Variants in MCTP1 observed in about 807,000 individuals in gnomAD.
The protein encoded by MCTP1 is multiple C2 and transmembrane domain containing 1.
Under a neutral mutation model 120.6 loss-of-function variants are expected in MCTP1, and 69 were observed. That is an observed-to-expected ratio of 0.57 (90% CI 0.47 to 0.70). The LOEUF (loss-of-function observed/expected upper bound fraction) is 0.70, where lower values mean the gene tolerates loss of function less well. MCTP1 is among the 30% of genes least tolerant of loss of function. The pLI is 0.00. For synonymous variants in MCTP1, 529 were observed against 493.1 expected (o/e 1.07, Z -0.96); for missense variants, 1,203 against 1,248.8 (o/e 0.96, Z 0.55).
At chr5:94,901,948 A>T (rs1805661600) in intron 10 of MCTP1, among the ~76,000 whole-genome samples, 1 of 152,194 alleles carries the variant, frequency 6.6e-6, no homozygotes, top group Non-Finnish European at 1.5e-5. Flanking sequence ...ACATGAACAC[A>T]GGTGGCTCAT....
intron 19 of MCTP1, among the ~76,000 whole-genome samples, chr5:94,778,853 A>G (rs975255148): frequency 3.3e-5 from 5 of 152,188 alleles, no homozygotes; most frequent in African/African-American, 1.2e-4. Context: ...AGAGCTATCA[A>G]GTTCCAGACA....
At chr5:95,024,417 T>C (rs941435997) in intron 1 of MCTP1, among the ~76,000 whole-genome samples, 4 of 152,140 alleles carry the variant, frequency 2.6e-5, no homozygotes, top group Admixed American at 6.6e-5. Flanking sequence ...CATTCTTTTG[T>C]GATAAAAGCT....
At chr5:95,020,282 T>G (rs1249456709) in intron 1 of MCTP1, among the ~76,000 whole-genome samples, 1 of 152,070 alleles carries the variant, frequency 6.6e-6, no homozygotes, top group Admixed American at 6.6e-5. Flanking sequence ...AAATATGTAT[T>G]ATACTTTATG....
intron 19 of MCTP1, among the ~76,000 whole-genome samples, chr5:94,774,644 G>T (rs1302755610): frequency 2.0e-5 from 3 of 152,154 alleles, no homozygotes; most frequent in African/African-American, 7.2e-5. Context: ...AGCTGTGCTG[G>T]ACTTCTGATC....
intron 1 of MCTP1, among the ~76,000 whole-genome samples, chr5:95,274,968 C>T (rs1013219927): frequency 5.5e-4 from 83 of 152,276 alleles, no homozygotes; most frequent in African/African-American, 1.9e-3. Flanking sequence ...TTTCCACATA[C>T]CCCCGCAACC....
chr5:95,080,301 C>T (rs1218331370), intron 1 of MCTP1, among the ~76,000 whole-genome samples: 1 of 152,158 alleles, frequency 6.6e-6, no homozygotes, highest in African/African-American at 2.4e-5. Flanking sequence ...TTCCACAAAT[C>T]CATGCTCCAT....
At chr5:94,788,071 T>C (rs955439367) in intron 18 of MCTP1, among the ~76,000 whole-genome samples, 1 of 152,224 alleles carries the variant, frequency 6.6e-6, no homozygotes, top group Non-Finnish European at 1.5e-5. Context: ...CTTAAAGGTG[T>C]TTTTGCTGTT....
rs1460282869 is a variant in MCTP1, at chr5:95,239,458, G to C, written c.720+44398C>G. On this transcript the variant is annotated intron_variant, in intron 1 of 22. Transcript: ENST00000515393. ...GATTTTAATAAAGAGTTTAATTAAA[G>C]ATGTTGCCACCAGACATATCTGATG... is the stretch of plus-strand genomic sequence containing the variant. Among the ~76,000 whole-genome samples, 3 of 152,266 alleles carry C rather than the reference G, an allele frequency of 2.0e-5. No homozygotes were observed. In the East Asian group the frequency reaches 5.8e-4, roughly 29 times the overall value.
At chr5:95,238,818 C>T (rs10057040) in intron 1 of MCTP1, among the ~76,000 whole-genome samples, 21,936 of 152,138 alleles carry the variant, frequency 0.14, 1,801 homozygotes, top group Non-Finnish European at 0.19. Context: ...ATTCCACCAC[C>T]TTCCACACTG....
rs1459581882 is a variant in MCTP1, at chr5:94,779,160, C to T, written c.2560G>A (p.Val854Met). 6.2e-7 allele frequency: 1 copy of T among 1,613,524 alleles called. No individual in the cohort carries two copies. The highest frequency in any genetic ancestry group is 2.2e-5 in the East Asian group (1 of 44,868). The part of the protein sequence containing the change: ...GKDNRQRDTV[V>M]EDMLEDEEEE... ...TCCTCGTCCTCTAGCATGTCCTCCA[C>T]TACCTGCAGAGAGAAACAGAAGTCG... is the stretch of plus-strand genomic sequence containing the variant. Residue 854 changes from valine (V) to methionine (M), a missense_variant, in exon 19 of 23, where the codon GTG (valine) becomes ATG (methionine). Val to Met is a conservative substitution (Grantham distance 21). This residue lies in a region of MCTP1 where 740 missense variants were observed against 871.1 expected (regional missense o/e 0.85). Coordinates refer to ENST00000515393, the MANE Select transcript of MCTP1 (RefSeq NM_024717.7).
intron 1 of MCTP1, among the ~76,000 whole-genome samples, chr5:95,239,361 G>A (rs1755912683): frequency 6.6e-6 from 1 of 152,134 alleles, no homozygotes; most frequent in Non-Finnish European, 1.5e-5. Flanking sequence ...TCTCTTCCAG[G>A]TAATGCCTTA....
At chr5:94,753,893 C>T (rs898868340) in intron 19 of MCTP1, among the ~76,000 whole-genome samples, 3 of 151,874 alleles carry the variant, frequency 2.0e-5, no homozygotes, top group Non-Finnish European at 2.9e-5. Flanking sequence ...GCACTGGCCC[C>T]CAGGAGAAAA....
intron 1 of MCTP1, among the ~76,000 whole-genome samples, chr5:95,123,807 G>A (rs923488683): frequency 2.6e-5 from 4 of 151,958 alleles, no homozygotes; most frequent in African/African-American, 9.7e-5. Flanking sequence ...CCGCCACTGC[G>A]CCCGGCTAAT....
At chr5:95,278,505 TAAAC>T (rs971191440) in intron 1 of MCTP1, among the ~76,000 whole-genome samples, 3 of 152,142 alleles carry the variant, frequency 2.0e-5, no homozygotes, top group African/African-American at 4.8e-5. Context: ...TCGTTCACAT[TAAAC>T]AAACAAACAA....
chr5:95,208,124 C>A (rs1751883725), intron 1 of MCTP1, among the ~76,000 whole-genome samples: 1 of 152,216 alleles, frequency 6.6e-6, no homozygotes, highest in African/African-American at 2.4e-5. Context: ...AGTTTTGCTC[C>A]TGTTGCCCAG....
At chr5:94,718,118 A>G (rs1759949652) in intron 19 of MCTP1, among the ~76,000 whole-genome samples, 1 of 152,222 alleles carries the variant, frequency 6.6e-6, no homozygotes, top group African/African-American at 2.4e-5. Flanking sequence ...AAACTATATT[A>G]CAAGGCTACA....
At chr5:95,050,506 C>T (rs1391398518) in intron 1 of MCTP1, among the ~76,000 whole-genome samples, 2 of 152,160 alleles carry the variant, frequency 1.3e-5, no homozygotes, top group African/African-American at 4.8e-5. Flanking sequence ...ATGTTTCACA[C>T]TTGCTTGTTG....
At chr5:94,968,678 TAAA>T (rs1243612875) in intron 2 of MCTP1, among the ~76,000 whole-genome samples, 2 of 152,196 alleles carry the variant, frequency 1.3e-5, no homozygotes, top group African/African-American at 4.8e-5. Context: ...CAATATTGCA[TAAA>T]ACCACAAGAT....
intron 1 of MCTP1, among the ~76,000 whole-genome samples, chr5:95,254,990 C>T (rs190499213): frequency 2.6e-5 from 4 of 152,244 alleles, no homozygotes; most frequent in Admixed American, 2.0e-4. Context: ...GGAAAATATG[C>T]ATCATTAGTA....
Sources: gnomAD v4.1 joint callset for allele counts (sites outside exome capture counted in the v4.1 genomes callset) on GRCh38, gnomAD v4.1.1 for gene constraint, gnomAD v4.1.1 regional missense constraint, MANE v1.5 for transcripts, NCBI Gene and HGNC (gene_info 2026-07-23, HGNC 2026-07-21) for gene names.